Variants in FRMD5 observed in about 807,000 individuals in gnomAD.
FRMD5 encodes FERM domain containing 5.
A neutral mutation model predicts 69.0 loss-of-function variants in FRMD5; 20 were observed. The ratio of observed to expected loss-of-function variants is 0.29; its 90% CI spans 0.20 to 0.42. The LOEUF (loss-of-function observed/expected upper bound fraction) is 0.42, where lower values mean the gene tolerates loss of function less well. Among genes scored for constraint, FRMD5 ranks in the 10% least tolerant of loss-of-function variants. FRMD5 has a pLI of 1.00. For synonymous variants in FRMD5, 271 were observed against 260.1 expected (o/e 1.04, Z -0.40); for missense variants, 595 against 708.6 (o/e 0.84, Z 1.82).
chr15:44,189,535 C>T (rs2078159150), intron 1 of FRMD5, among the ~76,000 whole-genome samples: 4 of 150,888 alleles, frequency 2.7e-5, no homozygotes, highest in Admixed American at 6.6e-5. Flanking sequence ...GCCACCCAGG[C>T]TGGAGTGCAA....
chr15:43,989,108 C>T, intron 1 of FRMD5: 2 of 976,576 alleles, frequency 2.0e-6, no homozygotes, highest in Non-Finnish European at 3.3e-6. Flanking sequence ...TCATCATATT[C>T]CTGCTTGCTG....
chr15:43,886,484 G>A (rs2088666996), intron 10 of FRMD5, among the ~76,000 whole-genome samples: 1 of 152,164 alleles, frequency 6.6e-6, no homozygotes, highest in Non-Finnish European at 1.5e-5. Context: ...TTTCTCCTGG[G>A]TGACTTCACT....
intron 1 of FRMD5, among the ~76,000 whole-genome samples, chr15:44,098,000 G>C (rs2076577680): frequency 6.6e-6 from 1 of 151,964 alleles, no homozygotes; most frequent in Admixed American, 6.6e-5. Context: ...CTGGGAGAAA[G>C]GACCTGCAGC....
intron 1 of FRMD5, among the ~76,000 whole-genome samples, chr15:44,078,979 G>T (rs1183631892): frequency 6.6e-6 from 1 of 152,026 alleles, no homozygotes; most frequent in Non-Finnish European, 1.5e-5. Context: ...CAGAGTAAAA[G>T]GCAAGCCACA....
intron 1 of FRMD5, among the ~76,000 whole-genome samples, chr15:44,180,964 GAA>G (rs2077989757): frequency 6.6e-6 from 1 of 152,114 alleles, no homozygotes; most frequent in African/African-American, 2.4e-5. Context: ...AATCAAGTGA[GAA>G]AACATTCTAT....
At chr15:43,885,307 G>C (rs1283841437) in intron 11 of FRMD5, among the ~76,000 whole-genome samples, 2 of 152,066 alleles carry the variant, frequency 1.3e-5, no homozygotes, top group African/African-American at 4.8e-5. Flanking sequence ...CAAGTAGCTG[G>C]GACTACAGGT....
At chr15:43,974,626 C>G (rs1035230377) in intron 1 of FRMD5, among the ~76,000 whole-genome samples, 1 of 152,214 alleles carries the variant, frequency 6.6e-6, no homozygotes, top group Non-Finnish European at 1.5e-5. Context: ...GTTCCTGACA[C>G]AGTGCTTGGC....
intron 12 of FRMD5, among the ~76,000 whole-genome samples, chr15:43,884,038 T>G (rs113245492): frequency 3.9e-5 from 6 of 152,290 alleles, no homozygotes; most frequent in African/African-American, 1.4e-4. Context: ...CTGAACCTTT[T>G]TTTTAGTGTG....
chr15:44,181,563 T>C (rs1380367640), intron 1 of FRMD5, among the ~76,000 whole-genome samples: 2 of 152,188 alleles, frequency 1.3e-5, no homozygotes, highest in Non-Finnish European at 2.9e-5. Context: ...GTTTTTAGTA[T>C]GTTCCCAGAG....
At position 43,873,583 on chromosome 15, in the gene FRMD5, A is replaced by G; in HGVS notation, c.*302T>C. 7.0e-7 allele frequency: 1 copy of G among 1,422,048 alleles called. No homozygotes were observed. The highest frequency in any genetic ancestry group is 9.2e-7 in the Non-Finnish European group (1 of 1,089,052). 88.1% of individuals were successfully genotyped at this position (1,422,048 alleles called of 1,614,324 possible). A position where few individuals can be genotyped will look rare whatever the true frequency, so the allele number is the denominator to read the frequency against. ...TGATACTTCAAAATAATATACATCTATGAAAAATCAAAATTCAAAACCAAA... is the reference window on the plus strand; with the variant it reads ...TGATACTTCAAAATAATATACATCTGTGAAAAATCAAAATTCAAAACCAAA... On this transcript the variant is annotated 3_prime_UTR_variant, in exon 14 of 14. Transcript: ENST00000417257.
chr15:44,111,642 C>G (rs988948260), intron 1 of FRMD5, among the ~76,000 whole-genome samples: 2 of 152,172 alleles, frequency 1.3e-5, no homozygotes, highest in African/African-American at 2.4e-5. Context: ...CAATCGGAAC[C>G]CTTTGAAGAA....
At chr15:44,163,035 G>A (rs1206424368) in intron 1 of FRMD5, among the ~76,000 whole-genome samples, 4 of 152,020 alleles carry the variant, frequency 2.6e-5, no homozygotes, top group South Asian at 2.1e-4. Context: ...ATTAGCAGGC[G>A]TGGTGGCGGG....
chr15:44,003,034 C>T (rs915558378), intron 1 of FRMD5, among the ~76,000 whole-genome samples: 5 of 152,134 alleles, frequency 3.3e-5, no homozygotes, highest in African/African-American at 1.2e-4. Context: ...ATCTTTTGTT[C>T]CAAATGGGGT....
Position 44,151,008 on chromosome 15 carries a change from C to T in FRMD5, c.102+43945G>A, listed in dbSNP as rs139206193. The stretch of plus-strand genomic sequence containing the variant: ...TTGGGAGGCTGAGGCAGGAGAATTG[C>T]TTCAACTTGGGAAGCAGAGGCTGCA... On this transcript the variant is annotated intron_variant, in intron 1 of 13. Coordinates refer to ENST00000417257, the MANE Select transcript of FRMD5 (RefSeq NM_032892.5). Among the ~76,000 whole-genome samples the T allele has an allele frequency of 5.2e-3, 762 of 147,954 alleles. 5 individuals carry two copies. Among genetic ancestry groups the T allele is most frequent in the African/African-American group, 0.018 (727 of 40,040 alleles).
rs187247044 is a variant in FRMD5 at position 44,094,930 on chromosome 15, A to G, written c.102+100023T>C. The stretch of plus-strand genomic sequence containing the variant: ...TCTAGAAAGCTTTGACAAAATTATT[A>G]TATCCATGGATATAACATGACCATG... On this transcript the variant is annotated intron_variant, in intron 1 of 13. Transcript: ENST00000417257. 1.2e-4 allele frequency among the ~76,000 whole-genome samples: 18 copies of G among 152,228 alleles called. No individual in the cohort carries two copies. The East Asian group carries it at 3.5e-3, about 29-fold the overall frequency.
chr15:43,925,938 C>T (rs481837), intron 1 of FRMD5, among the ~76,000 whole-genome samples: 13,939 of 152,190 alleles, frequency 0.092, 1,144 homozygotes, highest in African/African-American at 0.22. Flanking sequence ...AGCACTTATA[C>T]CAATCTGTAA....
At chr15:43,939,929 G>A (rs2089833245) in intron 1 of FRMD5, among the ~76,000 whole-genome samples, 3 of 152,164 alleles carry the variant, frequency 2.0e-5, no homozygotes, top group African/African-American at 7.2e-5. Context: ...TGTGCTCCCA[G>A]CGCTTTGGGA....
chr15:44,008,753 G>A (rs1284988976), intron 1 of FRMD5, among the ~76,000 whole-genome samples: 3 of 152,150 alleles, frequency 2.0e-5, no homozygotes, highest in South Asian at 2.1e-4. Flanking sequence ...CAGGCCAGGC[G>A]CAGTGGCTCA....
chr15:43,886,278 C>G (rs2088661543), intron 10 of FRMD5, among the ~76,000 whole-genome samples: 1 of 152,132 alleles, frequency 6.6e-6, no homozygotes, highest in African/African-American at 2.4e-5. Flanking sequence ...GGCTGTCTTT[C>G]CTGTTCCATC....
Sources: allele counts gnomAD v4.1 joint callset (sites outside exome capture counted in the v4.1 genomes callset), GRCh38; gene constraint gnomAD v4.1.1; transcripts MANE v1.5; gene names NCBI Gene and HGNC (gene_info 2026-07-23, HGNC 2026-07-21).